TRAF3IP3: variants seen among roughly 807,000 people sequenced by gnomAD.
The protein encoded by TRAF3IP3 is TRAF3-interacting JNK-activating modulator.
TRAF3IP3 carries 64 observed loss-of-function variants against 86.5 expected under a neutral mutation model. The ratio of observed to expected loss-of-function variants is 0.74; its 90% CI spans 0.60 to 0.91. The LOEUF is 0.91. Ranked by LOEUF, TRAF3IP3 falls within the 40% of genes least tolerant of loss-of-function variation. The probability of loss-of-function intolerance (pLI) is 0.00; values close to 1 mark genes in which losing one functional copy is unlikely to be tolerated. For missense variants in TRAF3IP3, 579 were observed against 642.9 expected (o/e 0.90, Z 1.07); for synonymous variants, 220 against 243.9 (o/e 0.90, Z 0.91).
At chr1:209,765,082 C>T (rs746305479) in intron 8 of TRAF3IP3, among the ~76,000 whole-genome samples, 5 of 151,454 alleles carry the variant, frequency 3.3e-5, no homozygotes, top group South Asian at 2.1e-4. Flanking sequence ...GGCTGGGCCA[C>T]GAGAATCGCT....
intron 1 of TRAF3IP3, among the ~76,000 whole-genome samples, chr1:209,756,992 G>A (rs1224592053): frequency 2.0e-5 from 3 of 152,170 alleles, no homozygotes; most frequent in Non-Finnish European, 2.9e-5. Context: ...GAACCCTACA[G>A]GGACCAGTTC....
intron 8 of TRAF3IP3, chr1:209,768,594 G>C (rs1335174740): frequency 1.0e-6 from 1 of 985,852 alleles, no homozygotes; most frequent in South Asian, 4.7e-5. Context: ...GGTGTTTCTG[G>C]AGAGCAGATC....
At chr1:209,778,005 G>A (rs972597795) in intron 12 of TRAF3IP3, 106 bp from the exon 13 acceptor site, 24 of 1,027,364 alleles carry the variant, frequency 2.3e-5, no homozygotes, top group East Asian at 5.2e-5. Flanking sequence ...ATAGACACAC[G>A]TTAAAGACCA....
In TRAF3IP3 at chr1:209,756,162, A is replaced by C. The variant is rs1396752698; in HGVS notation, c.-307A>C. On this transcript the variant is annotated 5_prime_UTR_variant, in exon 1 of 17. Transcript: ENST00000367025. ...TGCAAAAAGAAAGACGGTACCAAGA[A>C]GGGACGTGTTAATGGGGCCCAGACC... The C allele has an allele frequency of 1.3e-5, 2 of 152,346 alleles. No individual in the cohort carries two copies. The highest frequency in any genetic ancestry group is 1.3e-4 in the Admixed American group (2 of 15,282). The allele number at this position is 152,346 out of a possible 1,614,324, so 9.4% of individuals were successfully genotyped here.
intron 8 of TRAF3IP3, chr1:209,768,798 G>GAAGCCCAGTGTTACA: frequency 3.1e-6 from 2 of 654,060 alleles, no homozygotes; most frequent in Non-Finnish European, 3.8e-6. Flanking sequence ...CTGTAACACT[G>GAAGCCCAGTGTTACA]GGCTTCAGTG....
rs1195332894 is a variant in TRAF3IP3, at chr1:209,760,189, G to T, written c.150G>T (p.Arg50Ser). 1 of 1,614,130 alleles carries T rather than the reference G, an allele frequency of 6.2e-7. No homozygotes were observed. Among genetic ancestry groups the T allele is most frequent in the African/African-American group, 1.3e-5 (1 of 74,944 alleles). The change falls in exon 3 of 17, where the codon AGG becomes AGT. Residue 50 changes from arginine to serine, a missense_variant. By Grantham distance (110) the Arg-to-Ser change is moderately radical. Transcript: ENST00000367025. Reference protein sequence around the residue: ...TTCRQVGKTLRIQQREQLQRA... With the variant: ...TTCRQVGKTLSIQQREQLQRA... ...GCCGCCAGGTGGGGAAGACGCTGAG[G>T]ATCCAACAGAGAGAGCAGCTCCAGA...
chr1:209,779,124 C>T, intron 13 of TRAF3IP3, 191 bp from the exon 14 acceptor site: 1 of 599,096 alleles, frequency 1.7e-6, no homozygotes, highest in Non-Finnish European at 3.0e-6. Flanking sequence ...TTTAAAGAAT[C>T]TATCTCCAAA....
intron 3 of TRAF3IP3, among the ~76,000 whole-genome samples, chr1:209,760,612 C>T (rs866224063): frequency 1.3e-5 from 2 of 152,174 alleles, no homozygotes; most frequent in African/African-American, 4.8e-5. Flanking sequence ...CTGCACTTGA[C>T]TTATAAGAGA....
intron 9 of TRAF3IP3, among the ~76,000 whole-genome samples, chr1:209,773,274 T>C (rs2077583876): frequency 6.6e-6 from 1 of 152,154 alleles, no homozygotes; most frequent in Non-Finnish European, 1.5e-5. Flanking sequence ...ACTAACCAGT[T>C]TGTCAGCTCC....
intron 8 of TRAF3IP3, among the ~76,000 whole-genome samples, chr1:209,767,717 T>C (rs144042211): frequency 1.8e-3 from 267 of 150,750 alleles, no homozygotes; most frequent in Admixed American, 3.8e-3. Context: ...ATTATCTAAC[T>C]TGTAGCAATA....
intron 5 of TRAF3IP3, 90 bp from the exon 6 acceptor site, chr1:209,762,978 C>T (rs2077273675): frequency 1.1e-5 from 17 of 1,590,388 alleles, no homozygotes; most frequent in Non-Finnish European, 1.4e-5. Context: ...CCTTCCCCAC[C>T]CTACTGGCTC....
Position 209,768,498 on chromosome 1 carries a change from C to T in TRAF3IP3, c.703-4450C>T, listed in dbSNP as rs575319308. 129 of 985,556 alleles carry T rather than the reference C, an allele frequency of 1.3e-4. 2 individuals carry two copies. In the South Asian group the frequency reaches 1.8e-3, roughly 14 times the overall value. 61.1% of individuals were successfully genotyped at this position (985,556 alleles called of 1,614,324 possible). On this transcript the variant is annotated intron_variant, in intron 8 of 16. Coordinates refer to ENST00000367025, the MANE Select transcript of TRAF3IP3 (RefSeq NM_025228.4). ...TGGAATTAAGATCTTGAGATGACAG[C>T]GCAGCGGGGATTGGCTGAAGCCCTA...
At chr1:209,778,321 G>A in intron 13 of TRAF3IP3, 148 bp downstream of exon 13, 2 of 605,256 alleles carry the variant, frequency 3.3e-6, no homozygotes, top group Non-Finnish European at 5.9e-6. Context: ...GTAAAGTGAG[G>A]TCATTTACAT....
At chr1:209,775,772 T>C (rs2077642130) in intron 11 of TRAF3IP3, 36 bp downstream of exon 11, 2 of 1,574,716 alleles carry the variant, frequency 1.3e-6, no homozygotes, top group Non-Finnish European at 1.7e-6. Context: ...GAAGACAGGG[T>C]ATGGGGAGGA....
At position 209,780,640 on chromosome 1, in the gene TRAF3IP3, T is replaced by C. The variant is rs764597629; in HGVS notation, c.1449+34T>C. 10 of 1,484,820 alleles carry C rather than the reference T, an allele frequency of 6.7e-6. No homozygotes were observed. The South Asian group carries it at 1.2e-4, about 18-fold the overall frequency. The allele number at this position is 1,484,820 out of a possible 1,614,324, so 92.0% of individuals were successfully genotyped here. A position where few individuals can be genotyped will look rare whatever the true frequency, so the allele number is the denominator to read the frequency against. On this transcript the variant is annotated intron_variant, in intron 15 of 16. Coordinates refer to ENST00000367025, the MANE Select transcript of TRAF3IP3 (RefSeq NM_025228.4). ...GTGACCTGAGATAGTGAGGGCTCAT[T>C]TGCGAAATAGCAGAGAAACCTGGGA...
chr1:209,775,678 T>C lies in TRAF3IP3; in HGVS notation c.995T>C (p.Leu332Pro), dbSNP rs749575611. The C allele has an allele frequency of 8.1e-6, 13 of 1,613,976 alleles. No homozygotes were observed. The Admixed American group carries it at 1.2e-4, about 14-fold the overall frequency. The part of the protein sequence containing the change: ...YEALKEDWRT[L>P]GTQHRELESQ... ...GCTCTGAAGGAGGACTGGAGGACCC[T>C]TGGGACCCAGCACAGGGAGCTGGAG... Residue 332 changes from leucine (L) to proline (P), a missense_variant, in exon 11 of 17, where the codon CTT (leucine) becomes CCT (proline). Physicochemically the swap from Leu to Pro is moderately conservative, Grantham distance 98. Coordinates refer to ENST00000367025, the MANE Select transcript of TRAF3IP3 (RefSeq NM_025228.4).
At chr1:209,773,272 G>A (rs2077583805) in intron 9 of TRAF3IP3, among the ~76,000 whole-genome samples, 1 of 152,102 alleles carries the variant, frequency 6.6e-6, no homozygotes, top group South Asian at 2.1e-4. Context: ...GCACTAACCA[G>A]TTTGTCAGCT....
At chr1:209,765,814 G>A (rs982312264) in intron 8 of TRAF3IP3, among the ~76,000 whole-genome samples, 7 of 151,986 alleles carry the variant, frequency 4.6e-5, no homozygotes, top group African/African-American at 1.5e-4. Context: ...TCAATCTATT[G>A]GTTTAAACAT....
intron 14 of TRAF3IP3, chr1:209,779,876 T>G (rs1292425107): frequency 9.9e-6 from 2 of 202,424 alleles, no homozygotes; most frequent in African/African-American, 4.7e-5. Flanking sequence ...CATAATATAA[T>G]AGATAAGGCA....
Sources: gnomAD v4.1 joint callset for allele counts (sites outside exome capture counted in the v4.1 genomes callset) on GRCh38, gnomAD v4.1.1 for gene constraint, MANE v1.5 for transcripts, NCBI Gene and HGNC (gene_info 2026-07-23, HGNC 2026-07-21) for gene names.